CBFA2T3: variants seen among roughly 807,000 people sequenced by gnomAD.
The protein encoded by CBFA2T3 is transcriptional corepressor CBFA2T3.
In CBFA2T3, 31 loss-of-function variants were observed where a neutral mutation model predicts 58.6. That is an observed-to-expected ratio of 0.53 (90% CI 0.40 to 0.71). The LOEUF (loss-of-function observed/expected upper bound fraction) is 0.71, where lower values mean the gene tolerates loss of function less well. Ranked by LOEUF, CBFA2T3 falls within the 30% of genes least tolerant of loss-of-function variation. The probability of loss-of-function intolerance (pLI) is 0.00; values close to 1 mark genes in which losing one functional copy is unlikely to be tolerated. For missense variants in CBFA2T3, 1,076 were observed against 963.1 expected (o/e 1.12, Z -1.55); for synonymous variants, 531 against 421.9 (o/e 1.26, Z -3.17).
At chr16:88,893,259 GCCT>G (rs1567586282) in intron 3 of CBFA2T3, among the ~76,000 whole-genome samples, 2 of 147,812 alleles carry the variant, frequency 1.4e-5, no homozygotes, top group Non-Finnish European at 3.0e-5. Context: ...TGAGCAATGT[GCCT>G]CCCCACACAC....
At chr16:88,935,554 G>A (rs1432876991) in intron 1 of CBFA2T3, among the ~76,000 whole-genome samples, 2 of 152,246 alleles carry the variant, frequency 1.3e-5, no homozygotes, top group African/African-American at 4.8e-5. Context: ...CCCAGGGCTT[G>A]GCCCCAAGCT....
rs2142858438 is a variant in CBFA2T3 at position 88,958,950 on chromosome 16, C to G, written c.151+17707G>C. On this transcript the variant is annotated intron_variant, in intron 1 of 11. Coordinates refer to ENST00000268679, the MANE Select transcript of CBFA2T3 (RefSeq NM_005187.6). This position sits in a 1 kb window ranked among gnomAD's most constrained non-coding sequence, Gnocchi z 4.0. ...CTGAGTTCCCAGAGGGCTGATTCCTCTCTCTGCCCCGACCCCTGGCAACCC... is the reference window on the plus strand; with the variant it reads ...CTGAGTTCCCAGAGGGCTGATTCCTGTCTCTGCCCCGACCCCTGGCAACCC... 6.6e-6 allele frequency among the ~76,000 whole-genome samples: 1 copy of G among 152,308 alleles called. No individual in the cohort carries two copies. Among genetic ancestry groups the G allele is most frequent in the African/African-American group, 2.4e-5 (1 of 41,566 alleles).
At chr16:88,976,043 C>A (rs548643596) in intron 1 of CBFA2T3, among the ~76,000 whole-genome samples, 19 of 152,312 alleles carry the variant, frequency 1.2e-4, no homozygotes, top group African/African-American at 4.6e-4. Flanking sequence ...TTCGCAGGCT[C>A]GGGTGGGGGG....
chr16:88,911,446 T>C (rs910935961), intron 1 of CBFA2T3, among the ~76,000 whole-genome samples: 5 of 152,370 alleles, frequency 3.3e-5, no homozygotes, highest in South Asian at 4.1e-4. Flanking sequence ...AAAAAGGCTT[T>C]CGTAAACTCA....
At chr16:88,925,401 G>A (rs1321531288) in intron 1 of CBFA2T3, among the ~76,000 whole-genome samples, 1 of 152,202 alleles carries the variant, frequency 6.6e-6, no homozygotes, top group East Asian at 1.9e-4. Context: ...GATCTGCAGG[G>A]GGCCAGGGGG....
At chr16:88,904,848 C>T (rs1970242686) in intron 1 of CBFA2T3, among the ~76,000 whole-genome samples, 1 of 152,212 alleles carries the variant, frequency 6.6e-6, no homozygotes, top group African/African-American at 2.4e-5. Flanking sequence ...CACTTTCCTT[C>T]CTCTGTACAT....
In CBFA2T3 at chr16:88,885,800, G is replaced by A; in HGVS notation, c.893+161C>T. 1.6e-6 allele frequency: 1 copy of A among 631,450 alleles called. No individual in the cohort carries two copies. The highest frequency in any genetic ancestry group is 2.7e-6 in the Non-Finnish European group (1 of 365,836). The allele number at this position is 631,450 out of a possible 1,614,324, so 39.1% of individuals were successfully genotyped here. A position where few individuals can be genotyped will look rare whatever the true frequency, so the allele number is the denominator to read the frequency against. ...GGGTGTCCGCCCGTGCAGCCACCAA[G>A]CCTGCTGGCCCTAGTACACCTCGCC... On this transcript the variant is annotated intron_variant, in intron 6 of 11. Transcript: ENST00000268679. The surrounding 1 kb of genome is among the most constrained non-coding windows in gnomAD (Gnocchi z 5.3).
chr16:88,920,688 T>C (rs1045369341), intron 1 of CBFA2T3, among the ~76,000 whole-genome samples: 5 of 152,170 alleles, frequency 3.3e-5, no homozygotes, highest in Non-Finnish European at 5.9e-5. Context: ...GCACCAAAAG[T>C]GCAGGTGGAC....
At position 88,885,255 on chromosome 16, in the gene CBFA2T3, C is replaced by A. The variant is rs1396824649; in HGVS notation, c.908G>T (p.Gly303Val). ...GGGGTGCAGCGGGTCGCGGTCTGACCCGTTCTCTTTGGTCCTAGCCCCAAG... is the reference window on the plus strand; with the variant it reads ...GGGGTGCAGCGGGTCGCGGTCTGACACGTTCTCTTTGGTCCTAGCCCCAAG... ...RRTPDRTKEN[G>V]SDRDPLHPEH... Residue 303 changes from glycine (G) to valine (V), a missense_variant, in exon 7 of 12, where the codon GGG (glycine) becomes GTG (valine). Transcript: ENST00000268679. The surrounding 1 kb of genome is among the most constrained non-coding windows in gnomAD (Gnocchi z 5.3). The A allele has an allele frequency of 6.4e-7, 1 of 1,556,252 alleles. No individual in the cohort carries two copies. Among genetic ancestry groups the A allele is most frequent in the South Asian group, 1.2e-5 (1 of 83,600 alleles).
Position 88,886,098 on chromosome 16 carries a change from G to A in CBFA2T3, c.756C>T (p.Arg252=), listed in dbSNP as rs1253045580. 7.6e-6 allele frequency: 12 copies of A among 1,588,508 alleles called. No homozygotes were observed. The highest frequency in any genetic ancestry group is 1.0e-5 in the Non-Finnish European group (12 of 1,174,952). The part of the protein sequence containing the change: ...LLQRELLHCA[R]LAKQTPAQYL... ...ACTGGGCGGGCGTCTGCTTGGCCAG[G>A]CGTGCACAGTGCAGGAGCTCCCGCT... is the stretch of plus-strand genomic sequence containing the variant. Residue 252 remains arginine, a synonymous_variant, in exon 6 of 12, where the codon CGC becomes CGT. Transcript: ENST00000268679.
intron 1 of CBFA2T3, among the ~76,000 whole-genome samples, chr16:88,919,266 G>A (rs7190114): frequency 0.023 from 3,507 of 152,146 alleles, 158 homozygotes; most frequent in African/African-American, 0.081. Context: ...AATGGAAACC[G>A]GACACAGCAG....
rs188629656 is a variant in CBFA2T3 at position 88,970,355 on chromosome 16, G to A, written c.151+6302C>T. Reference sequence around the variant, plus strand: ...GGTTCGGAGGGGCTCAGCTGAGGGCGCGGCTCTCGTCTCAGAGCAGGGCGT... The same window carrying A: ...GGTTCGGAGGGGCTCAGCTGAGGGCACGGCTCTCGTCTCAGAGCAGGGCGT... On this transcript the variant is annotated intron_variant, in intron 1 of 11. Transcript: ENST00000268679. Among the ~76,000 whole-genome samples the A allele has an allele frequency of 5.6e-3, 848 of 152,316 alleles. 21 individuals are homozygous for A. The highest frequency in any genetic ancestry group is 1.4e-3 in the Non-Finnish European group (97 of 68,014).
rs1184660221 is a variant in CBFA2T3, at chr16:88,895,346, C to T, written c.379+2732G>A. On this transcript the variant is annotated intron_variant, in intron 3 of 11. Coordinates refer to ENST00000268679, the MANE Select transcript of CBFA2T3 (RefSeq NM_005187.6). ...GCCTGAGGCTCCCACCTTCCCGACC[C>T]GTGGTCTAGTGGCACCTGCGAAGTG... Among the ~76,000 whole-genome samples the T allele has an allele frequency of 5.9e-5, 9 of 152,308 alleles. No individual in the cohort carries two copies. In the South Asian group the frequency reaches 1.0e-3, roughly 18 times the overall value.
intron 1 of CBFA2T3, 127 bp from the exon 2 acceptor site, chr16:88,901,783 G>GC: frequency 2.5e-6 from 2 of 812,806 alleles, no homozygotes; most frequent in Non-Finnish European, 3.6e-6. Context: ...GTCTGCCCCA[G>GC]GTGTCCTGAC....
intron 1 of CBFA2T3, among the ~76,000 whole-genome samples, chr16:88,960,070 G>A (rs1972321849): frequency 6.7e-6 from 1 of 150,132 alleles, no homozygotes; most frequent in Non-Finnish European, 1.5e-5. Context: ...AAATCATTAA[G>A]GTTCCAAGGA....
chr16:88,972,509 A>G (rs1972680587), intron 1 of CBFA2T3, among the ~76,000 whole-genome samples: 1 of 152,088 alleles, frequency 6.6e-6, no homozygotes, highest in African/African-American at 2.4e-5. Flanking sequence ...GGAGCTGTCC[A>G]TGCACTGGCA....
At position 88,879,402 on chromosome 16, in the gene CBFA2T3, C is replaced by G. The variant is rs573992537; in HGVS notation, c.1530G>C (p.Ser510=). ...GCTCGTGCGCTTTGCGCTCCGCGTC[C>G]GACACGGCTTTCTGCAGCTCCGACA... ...QAMSELQKAV[S]DAERKAHELI... Residue 510 remains serine, a synonymous_variant, in exon 11 of 12, where the codon TCG becomes TCC. Transcript: ENST00000268679. 2 of 1,612,930 alleles carry G rather than the reference C, an allele frequency of 1.2e-6. No homozygotes were observed. The highest frequency in any genetic ancestry group is 3.3e-5 in the Admixed American group (2 of 59,990).
intron 1 of CBFA2T3, among the ~76,000 whole-genome samples, chr16:88,923,309 C>T (rs754673186): frequency 5.9e-5 from 9 of 152,178 alleles, no homozygotes; most frequent in East Asian, 1.9e-4. Context: ...GGTGAGGATT[C>T]GGCGCTTCTG....
At chr16:88,969,234 C>A (rs1190468319) in intron 1 of CBFA2T3, among the ~76,000 whole-genome samples, 2 of 152,214 alleles carry the variant, frequency 1.3e-5, no homozygotes, top group African/African-American at 2.4e-5. Context: ...ACTCTGTCCC[C>A]CTCAGGTCTG....
Sources: gnomAD v4.1 joint callset for allele counts (sites outside exome capture counted in the v4.1 genomes callset) on GRCh38, gnomAD v4.1.1 for gene constraint, Gnocchi (gnomAD v3.1) non-coding constraint, MANE v1.5 for transcripts, NCBI Gene and HGNC (gene_info 2026-07-23, HGNC 2026-07-21) for gene names.